The following ABCA9 variants were observed in gnomAD, a reference collection of about 807,000 sequenced individuals.
ABCA9 encodes the protein ATP binding cassette subfamily A member 9.
Under a neutral mutation model 205.3 loss-of-function variants are expected in ABCA9, and 183 were observed. The ratio of observed to expected loss-of-function variants is 0.89; its 90% CI spans 0.79 to 1.01. The LOEUF is 1.01. Ranked by LOEUF, ABCA9 falls within the 50% of genes least tolerant of loss-of-function variation. ABCA9 has a pLI of 0.00. For missense variants in ABCA9, 1,805 were observed against 1,912.4 expected (o/e 0.94, Z 1.05); for synonymous variants, 651 against 683.3 (o/e 0.95, Z 0.74).
At chr17:68,983,310 A>G (rs948369080) in intron 36 of ABCA9, among the ~76,000 whole-genome samples, 1 of 152,160 alleles carries the variant, frequency 6.6e-6, no homozygotes, top group Non-Finnish European at 1.5e-5. Flanking sequence ...TTTCACTGAT[A>G]ATAATATATA....
At position 68,988,771 on chromosome 17, in the gene ABCA9, T is replaced by C. The variant is rs181047742; in HGVS notation, c.4047+256A>G. Among the ~76,000 whole-genome samples, 201 of 152,316 alleles carry C rather than the reference T, an allele frequency of 1.3e-3. 1 individual carries two copies. The highest frequency in any genetic ancestry group is 1.9e-4 in the Non-Finnish European group (13 of 68,014). On this transcript the variant is annotated intron_variant, in intron 31 of 38. Coordinates refer to ENST00000340001, the MANE Select transcript of ABCA9 (RefSeq NM_080283.4). Reference sequence around the variant, plus strand: ...GATGCATAAATCAATAAAGCAAAGATATCTGACTTTAAGGAAGATATATTT... The same window carrying C: ...GATGCATAAATCAATAAAGCAAAGACATCTGACTTTAAGGAAGATATATTT...
upstream of ABCA9, among the ~76,000 whole-genome samples, chr17:69,061,868 A>G (rs1399652544): frequency 6.6e-6 from 1 of 152,246 alleles, no homozygotes; most frequent in Admixed American, 6.5e-5. Context: ...GCTTACAGCC[A>G]GTAAGTCTGT....
chr17:68,985,511 A>G (rs12939564), intron 32 of ABCA9, among the ~76,000 whole-genome samples: 74,227 of 152,002 alleles, frequency 0.49, 21,610 homozygotes, highest in Non-Finnish European at 0.65. Context: ...AGTCCCAGCT[A>G]CTCAGGAGGC....
At chr17:68,995,432 G>A (rs370275320) in intron 26 of ABCA9, among the ~76,000 whole-genome samples, 4 of 152,048 alleles carry the variant, frequency 2.6e-5, no homozygotes, top group South Asian at 4.2e-4. Flanking sequence ...TCTACTCACC[G>A]CGTAGGTCAT....
At position 69,021,813 on chromosome 17, in the gene ABCA9, T is replaced by C. The variant is rs1201064889; in HGVS notation, c.2330A>G (p.Tyr777Cys). 6.3e-7 allele frequency: 1 copy of C among 1,597,910 alleles called. No homozygotes were observed. The highest frequency in any genetic ancestry group is 8.5e-7 in the Non-Finnish European group (1 of 1,171,482). The change falls in exon 18 of 39, where the codon TAT (tyrosine) becomes TGT (cysteine). Residue 777 changes from tyrosine to cysteine, a missense_variant. By Grantham distance (194) the Tyr-to-Cys change is radical. Coordinates refer to ENST00000340001, the MANE Select transcript of ABCA9 (RefSeq NM_080283.4). ...ATTCAAAGTTGTTATGGAAACACCA[T>C]AATCCTCAATGCCTTGGTTAGAACA... ...DRCSNQGIED[Y>C]GVSITTLNEV...
chr17:69,073,531 TA>T, the ABCA9 span, among the ~76,000 whole-genome samples: 2 of 152,054 alleles, frequency 1.3e-5, no homozygotes, highest in African/African-American at 4.8e-5. Context: ...AAGGCAGAAA[TA>T]AATAAGTTCT....
intron 31 of ABCA9, 105 bp downstream of exon 31, chr17:68,988,922 C>A: frequency 1.4e-6 from 1 of 690,174 alleles, no homozygotes; most frequent in Non-Finnish European, 2.5e-6. Context: ...TTATTCAATG[C>A]ATAAATCACA....
rs756437621 is a variant in ABCA9 at position 69,045,354 on chromosome 17, CAAAA to C, written c.305-22_305-19del. The C allele has an allele frequency of 6.3e-7, 1 of 1,594,718 alleles. No homozygotes were observed. Among genetic ancestry groups the C allele is most frequent in the Non-Finnish European group, 8.5e-7 (1 of 1,169,898 alleles). ...TGTTCTTCCTGCCATGTGAAGAAAACAAAAGAAATAGTTAAGCAAGAAAATCTCT... is the reference window on the plus strand; with the variant it reads ...TGTTCTTCCTGCCATGTGAAGAAAACGAAATAGTTAAGCAAGAAAATCTCT... On this transcript the variant is annotated intron_variant, in intron 3 of 38. Transcript: ENST00000340001.
chr17:69,007,385 A>G (rs1212855605), intron 25 of ABCA9, among the ~76,000 whole-genome samples: 1 of 152,196 alleles, frequency 6.6e-6, no homozygotes, highest in Non-Finnish European at 1.5e-5. Context: ...TGGGCGACAG[A>G]GCGAGACTCT....
rs753999541 is a variant in ABCA9, at chr17:69,044,511, C to T, written c.559G>A (p.Ala187Thr). 3.1e-6 allele frequency: 5 copies of T among 1,612,858 alleles called. No individual in the cohort carries two copies. The African/African-American group carries it at 6.7e-5, about 22-fold the overall frequency. Residue 187 changes from alanine to threonine, a missense_variant, in exon 5 of 39, where the codon GCT becomes ACT. Ala to Thr is a moderately conservative substitution (Grantham distance 58). Coordinates refer to ENST00000340001, the MANE Select transcript of ABCA9 (RefSeq NM_080283.4). ...GFVAFQAAINAAIIEIATNHS... is the reference protein window; with the variant it reads ...GFVAFQAAINTAIIEIATNHS... Reference sequence around the variant, plus strand: ...TTTATACTCACTTCTATGATAGCAGCATTAATGGCAGCTTGAAAAGCTACA... The same window carrying T: ...TTTATACTCACTTCTATGATAGCAGTATTAATGGCAGCTTGAAAAGCTACA...
At position 69,011,957 on chromosome 17, in the gene ABCA9, A is replaced by C; in HGVS notation, c.3147+19T>G. 1.3e-6 allele frequency: 2 copies of C among 1,561,934 alleles called. No individual in the cohort carries two copies. The highest frequency in any genetic ancestry group is 1.7e-6 in the Non-Finnish European group (2 of 1,144,104). ...TTCTCTAGATATAAAAAACATGTGA[A>C]GACTTTAACTCTTCTTACTTTGTAG... On this transcript the variant is annotated intron_variant, in intron 23 of 38. Transcript: ENST00000340001.
chr17:69,044,098 A>C (rs2071635394), intron 5 of ABCA9, among the ~76,000 whole-genome samples: 1 of 152,134 alleles, frequency 6.6e-6, no homozygotes, highest in Non-Finnish European at 1.5e-5. Context: ...AGGCTGAGGT[A>C]GGAGGATCAC....
intron 30 of ABCA9, 71 bp from the exon 31 acceptor site, chr17:68,989,189 G>C: frequency 1.0e-6 from 1 of 955,800 alleles, no homozygotes. Flanking sequence ...ACCATTTGAG[G>C]GCTGTGTGTC....
chr17:69,017,879 T>C lies in ABCA9; in HGVS notation c.2768-90A>G, dbSNP rs567555945. 3.1e-5 allele frequency: 45 copies of C among 1,432,460 alleles called. No individual in the cohort carries two copies. The African/African-American group carries it at 4.9e-4, about 16-fold the overall frequency. The allele number at this position is 1,432,460 out of a possible 1,614,324, so 88.7% of individuals were successfully genotyped here. On this transcript the variant is annotated intron_variant, in intron 20 of 38. Transcript: ENST00000340001. ...AATACATTACATCACACAAAGCATA[T>C]CACACAAAAGGACTGTCTAAGGCTT...
chr17:69,049,407 C>T lies in ABCA9; in HGVS notation c.180G>A (p.Met60Ile). 1 of 1,612,952 alleles carries T rather than the reference C, an allele frequency of 6.2e-7. No individual in the cohort carries two copies. The highest frequency in any genetic ancestry group is 8.5e-7 in the Non-Finnish European group (1 of 1,179,294). Residue 60 changes from methionine to isoleucine, a missense_variant, in exon 3 of 39, where the codon ATG (methionine) becomes ATA (isoleucine). Physicochemically the swap from Met to Ile is conservative, Grantham distance 10. Transcript: ENST00000340001. ...CTACACGTCCCAGATCCATTGAAGA[C>T]ATTTGAGGAGTGTCATGAACTTGAT... ...NLHQVHDTPQMSSMDLGRVDS... is the reference protein window; with the variant it reads ...NLHQVHDTPQISSMDLGRVDS...
intron 19 of ABCA9, among the ~76,000 whole-genome samples, chr17:69,019,537 T>C (rs2070745107): frequency 6.6e-6 from 1 of 152,168 alleles, no homozygotes; most frequent in South Asian, 2.1e-4. Context: ...ATCTCCCTCC[T>C]ACTAAATGCC....
intron 25 of ABCA9, among the ~76,000 whole-genome samples, chr17:68,997,807 C>T (rs2069683750): frequency 6.6e-6 from 1 of 152,046 alleles, no homozygotes; most frequent in Non-Finnish European, 1.5e-5. Context: ...TCTTTAACAC[C>T]CAGAGTCCAT....
At chr17:69,055,759 T>C (rs1240329651) in intron 1 of ABCA9, among the ~76,000 whole-genome samples, 1 of 152,158 alleles carries the variant, frequency 6.6e-6, no homozygotes, top group African/African-American at 2.4e-5. Context: ...TAGACCAATT[T>C]TGAGCCATAA....
intron 3 of ABCA9, among the ~76,000 whole-genome samples, chr17:69,047,763 A>C (rs1400308519): frequency 6.6e-6 from 1 of 152,188 alleles, no homozygotes; most frequent in African/African-American, 2.4e-5. Context: ...TCACAGTTTG[A>C]TTAACTGCCT....
Sources: gnomAD v4.1 joint callset for allele counts (sites outside exome capture counted in the v4.1 genomes callset) on GRCh38, gnomAD v4.1.1 for gene constraint, MANE v1.5 for transcripts, NCBI Gene and HGNC (gene_info 2026-07-23, HGNC 2026-07-21) for gene names.